Variants in YEATS4 observed in about 807,000 individuals in gnomAD.
The protein encoded by YEATS4 is YEATS domain containing 4.
In YEATS4, 17 loss-of-function variants were observed where a neutral mutation model predicts 30.1. The ratio of observed to expected loss-of-function variants is 0.56; its 90% CI spans 0.39 to 0.85. YEATS4 has a LOEUF of 0.85. Ranked by LOEUF, YEATS4 falls within the 40% of genes least tolerant of loss-of-function variation. The probability of loss-of-function intolerance (pLI) is 0.00; values close to 1 mark genes in which losing one functional copy is unlikely to be tolerated. For missense variants in YEATS4, 142 were observed against 268.3 expected (o/e 0.53, Z 3.29); for synonymous variants, 85 against 87.5 (o/e 0.97, Z 0.16).
At chr12:69,392,336 A>T (rs1343657452), downstream of YEATS4, among the ~76,000 whole-genome samples, 1 of 152,238 alleles carries the variant, frequency 6.6e-6, no homozygotes, top group Admixed American at 6.5e-5. Context: ...AATTCTTCAA[A>T]AAGTTAAGCA....
At chr12:69,360,901 A>G (rs1037904052) in intron 1 of YEATS4, among the ~76,000 whole-genome samples, 15 of 151,778 alleles carry the variant, frequency 9.9e-5, no homozygotes, top group African/African-American at 3.4e-4. Context: ...TCCTGCCTTA[A>G]AAATTAACGT....
At chr12:69,386,129 A>C (rs1191157888) in intron 6 of YEATS4, among the ~76,000 whole-genome samples, 1 of 152,240 alleles carries the variant, frequency 6.6e-6, no homozygotes, top group African/African-American at 2.4e-5. Flanking sequence ...TAGGAAGCAG[A>C]ACACTGGAAC....
intron 6 of YEATS4, among the ~76,000 whole-genome samples, chr12:69,389,267 C>T (rs559395120): frequency 5.9e-5 from 9 of 151,770 alleles, no homozygotes; most frequent in Non-Finnish European, 1.0e-4. Flanking sequence ...CTGGGCAACA[C>T]GGTGAAACCC....
At chr12:69,383,185 GC>G in intron 6 of YEATS4, among the ~76,000 whole-genome samples, 1 of 152,092 alleles carries the variant, frequency 6.6e-6, no homozygotes, top group Non-Finnish European at 1.5e-5. Flanking sequence ...GATTACTTGA[GC>G]CCAGGAGGGC....
intron 6 of YEATS4, among the ~76,000 whole-genome samples, chr12:69,381,048 T>A (rs1876055183): frequency 6.6e-6 from 1 of 152,210 alleles, no homozygotes; most frequent in African/African-American, 2.4e-5. Context: ...TTGTCATTGA[T>A]AACATCTTAT....
rs550226868 is a variant in YEATS4, at chr12:69,360,052, G to A, written c.51+29G>A. 1.5e-5 allele frequency: 24 copies of A among 1,608,066 alleles called. No homozygotes were observed. In the African/African-American group the frequency reaches 2.1e-4, roughly 14 times the overall value. On this transcript the variant is annotated intron_variant, in intron 1 of 6. Coordinates refer to ENST00000247843, the MANE Select transcript of YEATS4 (RefSeq NM_006530.4). ...AGTGCCCGGACCGCCCCTCTTCCGG[G>A]GTGGCTCTCCCGCCTCGGTTCCTCC...
chr12:69,379,675 A>G (rs1051137981), intron 6 of YEATS4, among the ~76,000 whole-genome samples: 33 of 139,254 alleles, frequency 2.4e-4, no homozygotes, highest in African/African-American at 8.4e-4. Context: ...TCCTGGGCTC[A>G]AGCAGTCCTC....
chr12:69,398,444 A>AT, the YEATS4 span, among the ~76,000 whole-genome samples: 1 of 152,180 alleles, frequency 6.6e-6, no homozygotes, highest in Non-Finnish European at 1.5e-5. Context: ...TTTTAAAAAA[A>AT]TTTCATTTAT....
the YEATS4 span, among the ~76,000 whole-genome samples, chr12:69,418,861 A>G: frequency 6.6e-6 from 1 of 152,012 alleles, no homozygotes; most frequent in South Asian, 2.1e-4. Flanking sequence ...AGGCAGGAGG[A>G]TCGCTGGAGC....
At chr12:69,411,812 T>A in the YEATS4 span, among the ~76,000 whole-genome samples, 1 of 152,180 alleles carries the variant, frequency 6.6e-6, no homozygotes. Flanking sequence ...AAAGCATTCC[T>A]GGTGTGTCTG....
the YEATS4 span, among the ~76,000 whole-genome samples, chr12:69,402,145 G>A: frequency 3.3e-5 from 5 of 152,098 alleles, no homozygotes; most frequent in Admixed American, 6.6e-5. Context: ...TCCAGGGCCC[G>A]TCCTGGAACT....
At chr12:69,369,970 T>G (rs1184994339) in intron 4 of YEATS4, among the ~76,000 whole-genome samples, 2 of 152,250 alleles carry the variant, frequency 1.3e-5, no homozygotes, top group Non-Finnish European at 2.9e-5. Context: ...ACTTTTTCAG[T>G]GTACCCTTCC....
chr12:69,405,368 A>G, the YEATS4 span, among the ~76,000 whole-genome samples: 1 of 152,244 alleles, frequency 6.6e-6, no homozygotes, highest in Admixed American at 6.5e-5. Flanking sequence ...AACAATTATA[A>G]CAATGTATTG....
At chr12:69,389,216 A>T (rs1002291440) in intron 6 of YEATS4, among the ~76,000 whole-genome samples, 4 of 152,100 alleles carry the variant, frequency 2.6e-5, no homozygotes, top group Admixed American at 6.5e-5. Context: ...TTGGGAGGCT[A>T]AGGAGGGCGG....
the YEATS4 span, among the ~76,000 whole-genome samples, chr12:69,398,323 A>AC: frequency 7.2e-5 from 11 of 151,798 alleles, no homozygotes; most frequent in Non-Finnish European, 1.0e-4. Flanking sequence ...ACACACACAC[A>AC]AAAAAACTAT....
chr12:69,424,520 G>A, the YEATS4 span, among the ~76,000 whole-genome samples: 1 of 152,078 alleles, frequency 6.6e-6, no homozygotes, highest in Admixed American at 6.5e-5. Flanking sequence ...AGTCTGATAT[G>A]GTTTGCCTTT....
intron 2 of YEATS4, 32 bp downstream of exon 2, chr12:69,362,939 C>T: frequency 3.2e-6 from 4 of 1,239,834 alleles, no homozygotes; most frequent in Non-Finnish European, 4.3e-6. Context: ...AACTGTTTTA[C>T]TTAAAGTTGT....
At chr12:69,383,266 A>G (rs952662767) in intron 6 of YEATS4, among the ~76,000 whole-genome samples, 1 of 152,132 alleles carries the variant, frequency 6.6e-6, no homozygotes, top group Non-Finnish European at 1.5e-5. Flanking sequence ...TCTGTCTCAA[A>G]AAAAAAAAGT....
chr12:69,375,073 G>A (rs1875802147), intron 6 of YEATS4, among the ~76,000 whole-genome samples: 1 of 151,418 alleles, frequency 6.6e-6, no homozygotes, highest in Admixed American at 6.6e-5. Flanking sequence ...GGAGGGGGCG[G>A]CTGCCGGGCG....
Sources: gnomAD v4.1 joint callset for allele counts (sites outside exome capture counted in the v4.1 genomes callset) on GRCh38, gnomAD v4.1.1 for gene constraint, MANE v1.5 for transcripts, NCBI Gene and HGNC (gene_info 2026-07-23, HGNC 2026-07-21) for gene names.